Variants in TRIM26 observed in about 807,000 individuals in gnomAD.
TRIM26 encodes the protein tripartite motif containing 26, also known as tripartite motif-containing protein 26.
In TRIM26, 16 loss-of-function variants were observed where a neutral mutation model predicts 45.5. The ratio of observed to expected loss-of-function variants is 0.35; its 90% CI spans 0.24 to 0.53. TRIM26 has a LOEUF of 0.53. Among genes scored for constraint, TRIM26 ranks in the 20% least tolerant of loss-of-function variants. The probability of loss-of-function intolerance (pLI) is 0.92; values close to 1 mark genes in which losing one functional copy is unlikely to be tolerated. For missense variants in TRIM26, 442 were observed against 691.1 expected (o/e 0.64, Z 4.04); for synonymous variants, 273 against 290.4 (o/e 0.94, Z 0.61).
Position 30,196,412 on chromosome 6 carries a change from T to C in TRIM26, c.765+104A>G. The C allele has an allele frequency of 9.0e-7, 1 of 1,107,022 alleles. No homozygotes were observed. Among genetic ancestry groups the C allele is most frequent in the Non-Finnish European group, 1.3e-6 (1 of 770,126 alleles). The allele number at this position is 1,107,022 out of a possible 1,614,324, so 68.6% of individuals were successfully genotyped here. ...AGGATTATCATCTCCATGTTTCAGA[T>C]GACAAAACTGAGCCCCCAAGTCTTC... On this transcript the variant is annotated intron_variant, in intron 6 of 9. Transcript: ENST00000454678. This position sits in a 1 kb window ranked among gnomAD's most constrained non-coding sequence, Gnocchi z 4.9.
rs926589301 is a variant in TRIM26 at position 30,187,589 on chromosome 6, A to G, written c.938-1031T>C. 106 of 422,444 alleles carry G rather than the reference A, an allele frequency of 2.5e-4. No individual in the cohort carries two copies. In the Admixed American group the frequency reaches 2.6e-3, roughly 10 times the overall value. 26.2% of individuals were successfully genotyped at this position (422,444 alleles called of 1,614,324 possible). A position where few individuals can be genotyped will look rare whatever the true frequency, so the allele number is the denominator to read the frequency against. ...TGCTACTCTCTGTGCTAACTGTCAGATGATGTCAGGTAATTACACAGGTGA... is the reference window on the plus strand; with the variant it reads ...TGCTACTCTCTGTGCTAACTGTCAGGTGATGTCAGGTAATTACACAGGTGA... On this transcript the variant is annotated intron_variant, in intron 9 of 9. Transcript: ENST00000454678.
Position 30,209,055 on chromosome 6 carries a change from T to C in TRIM26, c.-376+4250A>G, listed in dbSNP as rs114921725. On this transcript the variant is annotated intron_variant, in intron 1 of 9. Transcript: ENST00000454678. The surrounding 1 kb of genome is among the most constrained non-coding windows in gnomAD (Gnocchi z 4.8). ...TGTGCTCCTCGACCCAACCAGTAAA[T>C]GTTGTAAATGTTTATCTTTGGGGAG... Among the ~76,000 whole-genome samples, 889 of 151,994 alleles carry C rather than the reference T, an allele frequency of 5.8e-3. 16 individuals carry two copies. Among genetic ancestry groups the C allele is most frequent in the African/African-American group, 0.021 (856 of 41,436 alleles).
intron 1 of TRIM26, among the ~76,000 whole-genome samples, chr6:30,206,208 G>C (rs1189035565): frequency 6.6e-6 from 1 of 152,256 alleles, no homozygotes. Context: ...GGGGCAAAAA[G>C]CAAGTGATCT....
chr6:30,206,847 AGAG>A (rs1191047093), intron 1 of TRIM26, among the ~76,000 whole-genome samples: 4 of 152,216 alleles, frequency 2.6e-5, no homozygotes, highest in Admixed American at 2.6e-4. Flanking sequence ...CCTTATTTAC[AGAG>A]GAGGACAGTG....
At position 30,186,186 on chromosome 6, in the gene TRIM26, C is replaced by A. The variant is rs1325024277; in HGVS notation, c.1310G>T (p.Cys437Phe). The A allele has an allele frequency of 1.3e-6, 2 of 1,597,828 alleles. No homozygotes were observed. The highest frequency in any genetic ancestry group is 1.7e-6 in the Non-Finnish European group (2 of 1,171,734). ...EEEEEEVLESCMVGVARDSVK... is the reference protein window; with the variant it reads ...EEEEEEVLESFMVGVARDSVK... ...AGAGTCTCTAGCCACCCCCACCATG[C>A]AGCTTTCCAGAACTTCCTCCTCTTC... is the stretch of plus-strand genomic sequence containing the variant. The change falls in exon 10 of 10, where the codon TGC becomes TTC. Residue 437 changes from cysteine (C) to phenylalanine (F), a missense_variant. Cys to Phe is a radical substitution (Grantham distance 205). Transcript: ENST00000454678. The surrounding 1 kb of genome is among the most constrained non-coding windows in gnomAD (Gnocchi z 7.4).
rs9280917 is a variant in TRIM26, at chr6:30,202,851, T to TAA, written c.-265-1715_-265-1714dup. On this transcript the variant is annotated intron_variant, in intron 2 of 9. Coordinates refer to ENST00000454678, the MANE Select transcript of TRIM26 (RefSeq NM_003449.5). ...CTAGTCTTTTAAAAAGTCAATGTCA[T>TAA]AAAAAAAAACCTTCGAAAGAACTGC... Among the ~76,000 whole-genome samples, 19 of 150,444 alleles carry TAA rather than the reference T, an allele frequency of 1.3e-4. 1 individual carries two copies. In the East Asian group the frequency reaches 2.3e-3, roughly 19 times the overall value.
chr6:30,188,665 A>G (rs78753960), intron 9 of TRIM26: 1 of 212,372 alleles, frequency 4.7e-6, no homozygotes, highest in African/African-American at 2.3e-5. Flanking sequence ...GTGAGCCAGG[A>G]GGAGACCACC....
chr6:30,206,848 G>C (rs1777778023), intron 1 of TRIM26, among the ~76,000 whole-genome samples: 1 of 152,212 alleles, frequency 6.6e-6, no homozygotes, highest in East Asian at 1.9e-4. Context: ...CTTATTTACA[G>C]AGGAGGACAG....
At chr6:30,197,024 C>T (rs1036077863) in intron 5 of TRIM26, among the ~76,000 whole-genome samples, 1 of 152,176 alleles carries the variant, frequency 6.6e-6, no homozygotes, top group Admixed American at 6.5e-5. Context: ...TAAACCAGTA[C>T]GCTCTGGGGC....
intron 6 of TRIM26, among the ~76,000 whole-genome samples, chr6:30,192,446 C>A (rs1200156211): frequency 6.6e-6 from 1 of 152,166 alleles, no homozygotes; most frequent in Non-Finnish European, 1.5e-5. Flanking sequence ...ATGCTCCCAG[C>A]CCATAGGTTT....
rs763091430 is a variant in TRIM26, at chr6:30,198,535, ACAAG to A, written c.439-15_439-12del. The A allele has an allele frequency of 6.2e-7, 1 of 1,612,934 alleles. No individual in the cohort carries two copies. The highest frequency in any genetic ancestry group is 8.5e-7 in the Non-Finnish European group (1 of 1,179,982). ...GTTCAGGATTTTTTCCTGTGGAAAA[ACAAG>A]CAGTGGCAACAGGTGGATGCTCTGG... On this transcript the variant is annotated splice_polypyrimidine_tract_variant and intron_variant, in intron 4 of 9. Coordinates refer to ENST00000454678, the MANE Select transcript of TRIM26 (RefSeq NM_003449.5). The surrounding 1 kb of genome is among the most constrained non-coding windows in gnomAD (Gnocchi z 6.3).
intron 5 of TRIM26, among the ~76,000 whole-genome samples, chr6:30,197,955 C>G (rs572322362): frequency 6.6e-6 from 1 of 152,198 alleles, no homozygotes; most frequent in Non-Finnish European, 1.5e-5. Context: ...TCACTACATA[C>G]AGTGCCATCA....
In TRIM26 at chr6:30,200,187, C is replaced by T. The variant is rs1777009668; in HGVS notation, c.-162+848G>A. Among the ~76,000 whole-genome samples the T allele has an allele frequency of 2.0e-5, 3 of 152,120 alleles. No individual in the cohort carries two copies. The South Asian group carries it at 6.2e-4, about 32-fold the overall frequency. On this transcript the variant is annotated intron_variant, in intron 3 of 9. Coordinates refer to ENST00000454678, the MANE Select transcript of TRIM26 (RefSeq NM_003449.5). ...GTCTCAGCTACTGAGGAGGCTGTGG[C>T]AGAAGGATTACTTGAATCTGGGAGG... is the stretch of plus-strand genomic sequence containing the variant.
chr6:30,203,827 C>T (rs1562227680), intron 2 of TRIM26, among the ~76,000 whole-genome samples: 2 of 148,172 alleles, frequency 1.3e-5, no homozygotes, highest in South Asian at 2.1e-4. Flanking sequence ...CAGGGTCTTA[C>T]TCTGTCCCCC....
rs746853763 is a variant in TRIM26, at chr6:30,196,673, T to G, written c.608A>C (p.Glu203Ala). 1 of 1,614,194 alleles carries G rather than the reference T, an allele frequency of 6.2e-7. No individual in the cohort carries two copies. The highest frequency in any genetic ancestry group is 8.5e-7 in the Non-Finnish European group (1 of 1,180,036). Residue 203 changes from glutamate to alanine, a missense_variant, in exon 6 of 10, where the codon GAG becomes GCG. Physicochemically the swap from Glu to Ala is moderately radical, Grantham distance 107. Coordinates refer to ENST00000454678, the MANE Select transcript of TRIM26 (RefSeq NM_003449.5). The surrounding 1 kb of genome is among the most constrained non-coding windows in gnomAD (Gnocchi z 4.9). ...CGCCAGCTGTTCCAGCAGGTGTTCCTCCCGCTCCCTCAGGAACTGATGACC... is the reference window on the plus strand; with the variant it reads ...CGCCAGCTGTTCCAGCAGGTGTTCCGCCCGCTCCCTCAGGAACTGATGACC... ...EQGHQFLRER[E>A]EHLLEQLAKL...
In TRIM26 at chr6:30,196,427, C is replaced by T; in HGVS notation, c.765+89G>A. ...ATGTTTCAGATGACAAAACTGAGCC[C>T]CCAAGTCTTCTAAGGTCCTGCAAGT... On this transcript the variant is annotated intron_variant, in intron 6 of 9. Coordinates refer to ENST00000454678, the MANE Select transcript of TRIM26 (RefSeq NM_003449.5). The surrounding 1 kb of genome is among the most constrained non-coding windows in gnomAD (Gnocchi z 4.9). 1.5e-6 allele frequency: 2 copies of T among 1,323,140 alleles called. No individual in the cohort carries two copies. The highest frequency in any genetic ancestry group is 2.1e-6 in the Non-Finnish European group (2 of 959,358). 82.0% of individuals were successfully genotyped at this position (1,323,140 alleles called of 1,614,324 possible).
intron 6 of TRIM26, among the ~76,000 whole-genome samples, chr6:30,193,549 C>T (rs1378930128): frequency 6.6e-6 from 1 of 151,884 alleles, no homozygotes; most frequent in African/African-American, 2.4e-5. Flanking sequence ...TTGCTTTGGC[C>T]ATTTGGGGTT....
chr6:30,195,159 C>T (rs1265056287), intron 6 of TRIM26, among the ~76,000 whole-genome samples: 1 of 152,128 alleles, frequency 6.6e-6, no homozygotes, highest in Non-Finnish European at 1.5e-5. Context: ...GGAAAAGGCA[C>T]CCCTCCGGGC....
chr6:30,202,655 A>G lies in TRIM26; in HGVS notation c.-265-1517T>C, dbSNP rs548647383. Among the ~76,000 whole-genome samples, 5 of 152,396 alleles carry G rather than the reference A, an allele frequency of 3.3e-5. No homozygotes were observed. In the East Asian group the frequency reaches 9.6e-4, roughly 29 times the overall value. ...TTTGTGCCAAAAATGTTTGACTTGA[A>G]TGAATCTAGTCAAGACTTTAGATCT... On this transcript the variant is annotated intron_variant, in intron 2 of 9. Transcript: ENST00000454678.
Sources: gnomAD v4.1 joint callset for allele counts (sites outside exome capture counted in the v4.1 genomes callset) on GRCh38, gnomAD v4.1.1 for gene constraint, Gnocchi (gnomAD v3.1) non-coding constraint, MANE v1.5 for transcripts, NCBI Gene and HGNC (gene_info 2026-07-23, HGNC 2026-07-21) for gene names.